Variants in ZDHHC21 observed in about 807,000 individuals in gnomAD.
ZDHHC21 encodes palmitoyltransferase ZDHHC21.
In ZDHHC21, 15 loss-of-function variants were observed where a neutral mutation model predicts 34.6. The observed-to-expected ratio is 0.43, with a 90% CI of 0.29 to 0.67. The LOEUF (loss-of-function observed/expected upper bound fraction) is 0.67. Among genes scored for constraint, ZDHHC21 ranks in the 30% least tolerant of loss-of-function variants. The pLI is 0.14. For synonymous variants in ZDHHC21, 142 were observed against 101.8 expected, an observed-to-expected ratio of 1.40 and a Z score of -2.38; for missense variants, 344 against 327.7, an observed-to-expected ratio of 1.05 and a Z score of -0.38.
intron 5 of ZDHHC21, among the ~76,000 whole-genome samples, chr9:14,663,288 A>C (rs1036791808): frequency 6.6e-6 from 1 of 152,244 alleles, no homozygotes; most frequent in South Asian, 2.1e-4. Flanking sequence ...ACCTCATTAA[A>C]AGTATGGACA....
chr9:14,667,267 C>A (rs1434390981), intron 5 of ZDHHC21, among the ~76,000 whole-genome samples: 1 of 147,616 alleles, frequency 6.8e-6, no homozygotes, highest in East Asian at 2.1e-4. Flanking sequence ...GGATAAATTC[C>A]TCGACACATA....
chr9:14,635,601 A>G (rs149754689), intron 8 of ZDHHC21, among the ~76,000 whole-genome samples: 1 of 152,222 alleles, frequency 6.6e-6, no homozygotes, highest in Non-Finnish European at 1.5e-5. Context: ...TTCATAAATA[A>G]AGGAAAAAGG....
chr9:14,590,928 T>C, the ZDHHC21 span, among the ~76,000 whole-genome samples: 2 of 152,244 alleles, frequency 1.3e-5, no homozygotes, highest in African/African-American at 4.8e-5. Context: ...TCAGGAAGTT[T>C]ATAACACATA....
chr9:14,658,496 G>A (rs1284873986), intron 7 of ZDHHC21, among the ~76,000 whole-genome samples: 1 of 56,802 alleles, frequency 1.8e-5, no homozygotes, highest in Admixed American at 2.6e-4. Context: ...TTTTTGAGAC[G>A]GAGTCTCGCT....
At chr9:14,631,263 T>C (rs1234339946) in intron 8 of ZDHHC21, among the ~76,000 whole-genome samples, 3 of 152,232 alleles carry the variant, frequency 2.0e-5, no homozygotes, top group African/African-American at 7.2e-5. Context: ...TTTTATGTTA[T>C]GGAAATGCCT....
At chr9:14,674,883 G>A (rs1463542039) in intron 3 of ZDHHC21, among the ~76,000 whole-genome samples, 2 of 151,966 alleles carry the variant, frequency 1.3e-5, no homozygotes, top group Non-Finnish European at 2.9e-5. Context: ...GAGGGGTTGG[G>A]AAACGTTCCA....
chr9:14,624,030 C>G (rs1825780440), intron 8 of ZDHHC21, among the ~76,000 whole-genome samples: 1 of 151,924 alleles, frequency 6.6e-6, no homozygotes, highest in Non-Finnish European at 1.5e-5. Flanking sequence ...TGTCAGCCCT[C>G]CATATTTGTG....
chr9:14,609,907 C>A (rs1408247872), downstream of ZDHHC21, among the ~76,000 whole-genome samples: 1 of 152,066 alleles, frequency 6.6e-6, no homozygotes, highest in African/African-American at 2.4e-5. Context: ...CAAGATCAGA[C>A]TTCTCCAGAT....
At chr9:14,669,044 C>T (rs1377779093) in intron 5 of ZDHHC21, among the ~76,000 whole-genome samples, 1 of 134,102 alleles carries the variant, frequency 7.5e-6, no homozygotes, top group Admixed American at 7.8e-5. Flanking sequence ...GCAAAAGAAA[C>T]TACCATCAGA....
rs1833530822 is a variant in ZDHHC21 at position 14,662,237 on chromosome 9, T to C, written c.343A>G (p.Arg115Gly). ...TACCATGGACAGTGATGATCCATTC[T>C]CCTCACACAGTGGCCGCAGCGGCTA... ...HCSRCGHCVR[R>G]MDHHCPWINN... Residue 115 changes from arginine to glycine, a missense_variant, in exon 6 of 10, where the codon AGA (arginine) becomes GGA (glycine). Transcript: ENST00000380916. The C allele has an allele frequency of 6.2e-7, 1 of 1,611,892 alleles. No homozygotes were observed. The highest frequency in any genetic ancestry group is 2.2e-5 in the East Asian group (1 of 44,822).
the ZDHHC21 span, among the ~76,000 whole-genome samples, chr9:14,603,862 G>C: frequency 1.8e-4 from 28 of 152,262 alleles, no homozygotes; most frequent in Non-Finnish European, 1.2e-4. Context: ...TACCTCATAA[G>C]AGCATAATTT....
chr9:14,648,450 T>A (rs1354848207), intron 7 of ZDHHC21, among the ~76,000 whole-genome samples: 2 of 151,934 alleles, frequency 1.3e-5, no homozygotes, highest in Admixed American at 6.6e-5. Context: ...CAACTCATCA[T>A]CTCCTATTGC....
intron 6 of ZDHHC21, among the ~76,000 whole-genome samples, chr9:14,659,222 T>G (rs2133915974): frequency 6.6e-6 from 1 of 152,168 alleles, no homozygotes; most frequent in East Asian, 1.9e-4. Flanking sequence ...GGATGTAGAG[T>G]TAGAAGACAT....
At chr9:14,588,906 A>G in the ZDHHC21 span, 2 of 152,210 alleles carry the variant, frequency 1.3e-5, no homozygotes, top group South Asian at 2.1e-4. Context: ...GATCAAGCCG[A>G]TATCAGTGAG....
intron 5 of ZDHHC21, 29 bp downstream of exon 5, chr9:14,672,801 G>A (rs1161498691): frequency 3.4e-6 from 5 of 1,489,796 alleles, no homozygotes; most frequent in Non-Finnish European, 4.6e-6. Context: ...TCTGGCATCA[G>A]CAAAACTGAT....
intron 8 of ZDHHC21, among the ~76,000 whole-genome samples, chr9:14,637,021 G>A (rs1359201828): frequency 3.3e-5 from 5 of 151,756 alleles, no homozygotes; most frequent in African/African-American, 7.3e-5. Flanking sequence ...GAACCAAACC[G>A]AAAATTAGTA....
chr9:14,601,319 A>G, the ZDHHC21 span, among the ~76,000 whole-genome samples: 1 of 152,180 alleles, frequency 6.6e-6, no homozygotes, highest in East Asian at 1.9e-4. Context: ...AAACAACCCC[A>G]TCAAAAAGTG....
At chr9:14,601,708 G>A in the ZDHHC21 span, among the ~76,000 whole-genome samples, 2 of 152,180 alleles carry the variant, frequency 1.3e-5, no homozygotes, top group Non-Finnish European at 2.9e-5. Flanking sequence ...TATGTTTACT[G>A]CAGTACAATT....
rs111594268 is a variant in ZDHHC21 at position 14,684,541 on chromosome 9, T to C, written c.-175-4379A>G. Among the ~76,000 whole-genome samples the C allele has an allele frequency of 8.0e-5, 12 of 150,568 alleles. 1 individual carries two copies. Among genetic ancestry groups the C allele is most frequent in the Admixed American group, 4.0e-4 (6 of 15,088 alleles). On this transcript the variant is annotated intron_variant, in intron 2 of 9. Transcript: ENST00000380916. ...AGGAGAACTACAAACCACTGCTCAA[T>C]GAAATAAAAGAGGAAACAAACAAAT...
Sources: gnomAD v4.1 joint callset for allele counts (sites outside exome capture counted in the v4.1 genomes callset) on GRCh38, gnomAD v4.1.1 for gene constraint, MANE v1.5 for transcripts, NCBI Gene and HGNC (gene_info 2026-07-23, HGNC 2026-07-21) for gene names.